Variants in DCUN1D4 observed in about 807,000 individuals in gnomAD.
DCUN1D4 encodes defective in cullin neddylation 1 domain containing 4.
In DCUN1D4, 22 loss-of-function variants were observed where a neutral mutation model predicts 47.9. The observed-to-expected ratio is 0.46, with a 90% CI of 0.33 to 0.66. The LOEUF is 0.66. Ranked by LOEUF, DCUN1D4 falls within the 30% of genes least tolerant of loss-of-function variation. The probability of loss-of-function intolerance (pLI) is 0.02; values close to 1 mark genes in which losing one functional copy is unlikely to be tolerated. For synonymous variants in DCUN1D4, 121 were observed against 112.2 expected, an observed-to-expected ratio of 1.08 and a Z score of -0.50; for missense variants, 301 against 340.8, an observed-to-expected ratio of 0.88 and a Z score of 0.92.
chr4:51,879,435 C>T (rs761551988), intron 5 of DCUN1D4, among the ~76,000 whole-genome samples: 26 of 152,136 alleles, frequency 1.7e-4, no homozygotes, highest in African/African-American at 6.0e-4. Flanking sequence ...GGTGAAACCC[C>T]GTCTCTACTA....
chr4:51,843,620 A>T, intron 1 of DCUN1D4: 1 of 835,754 alleles, frequency 1.2e-6, no homozygotes, highest in Non-Finnish European at 1.3e-6. Context: ...TGTAGCGGGC[A>T]GGGCCGGGGA....
chr4:51,855,043 A>G (rs1308987115), intron 1 of DCUN1D4, among the ~76,000 whole-genome samples: 1 of 152,198 alleles, frequency 6.6e-6, no homozygotes, highest in Non-Finnish European at 1.5e-5. Flanking sequence ...ATTGGGATAG[A>G]GTAGTGAATA....
At chr4:51,899,635 A>G (rs944852331) in intron 8 of DCUN1D4, among the ~76,000 whole-genome samples, 2 of 152,220 alleles carry the variant, frequency 1.3e-5, no homozygotes, top group African/African-American at 4.8e-5. Flanking sequence ...TGACATGGGC[A>G]TGCAATACAC....
At chr4:51,877,957 G>A (rs1220677698) in intron 5 of DCUN1D4, 103 bp downstream of exon 5, 8 of 601,486 alleles carry the variant, frequency 1.3e-5, no homozygotes, top group Admixed American at 5.8e-5. Flanking sequence ...AAATTTGGGT[G>A]TGTGTGTGTG....
chr4:51,852,380 C>A (rs1723503533), intron 1 of DCUN1D4, among the ~76,000 whole-genome samples: 1 of 152,196 alleles, frequency 6.6e-6, no homozygotes, highest in African/African-American at 2.4e-5. Context: ...CAACTACTAA[C>A]ATCATTTTTA....
At chr4:51,840,509 T>C (rs1464109946), upstream of DCUN1D4, among the ~76,000 whole-genome samples, 2 of 152,214 alleles carry the variant, frequency 1.3e-5, no homozygotes, top group Non-Finnish European at 2.9e-5. Context: ...GCCAAGTGAC[T>C]CAGATTAAAC....
chr4:51,898,682 T>TAGGGACATTATCTGACAG (rs1209107566), intron 7 of DCUN1D4, among the ~76,000 whole-genome samples: 10 of 152,124 alleles, frequency 6.6e-5, no homozygotes, highest in Non-Finnish European at 1.3e-4. Flanking sequence ...AATATAATCA[T>TAGGGACATTATCTGACAG]AGGGACATTA....
At chr4:51,864,551 G>A (rs1725597560) in intron 3 of DCUN1D4, among the ~76,000 whole-genome samples, 1 of 152,154 alleles carries the variant, frequency 6.6e-6, no homozygotes, top group Non-Finnish European at 1.5e-5. Context: ...CTGGAGACTG[G>A]TAAGTTTAAG....
chr4:51,891,902 C>T (rs575477049), intron 7 of DCUN1D4, 51 bp downstream of exon 7: 26 of 1,383,294 alleles, frequency 1.9e-5, no homozygotes, highest in Middle Eastern at 3.6e-4. Context: ...CAGGTGGTTG[C>T]CTCCTTCCTC....
chr4:51,908,123 T>C (rs1170125290), intron 8 of DCUN1D4, among the ~76,000 whole-genome samples: 5 of 152,228 alleles, frequency 3.3e-5, no homozygotes, highest in Admixed American at 6.5e-5. Flanking sequence ...TTTGCAGCTG[T>C]ACTATATCAT....
chr4:51,910,923 C>A, intron 8 of DCUN1D4, 147 bp from the exon 9 acceptor site: 1 of 718,428 alleles, frequency 1.4e-6, no homozygotes. Flanking sequence ...CCTCCCCTCC[C>A]TAACCTTAGT....
chr4:51,910,166 G>A (rs998755362), intron 8 of DCUN1D4, among the ~76,000 whole-genome samples: 1 of 152,132 alleles, frequency 6.6e-6, no homozygotes, highest in Non-Finnish European at 1.5e-5. Flanking sequence ...ACACATGGAG[G>A]CTAGCTTTGG....
chr4:51,866,665 T>G (rs1044544706), intron 3 of DCUN1D4, among the ~76,000 whole-genome samples: 3 of 152,232 alleles, frequency 2.0e-5, no homozygotes, highest in African/African-American at 7.2e-5. Context: ...GTTTTAGTAG[T>G]TCTGAACTTT....
intron 1 of DCUN1D4, among the ~76,000 whole-genome samples, chr4:51,848,031 A>G (rs1722815664): frequency 6.6e-6 from 1 of 152,212 alleles, no homozygotes; most frequent in Non-Finnish European, 1.5e-5. Context: ...TTAAATGATC[A>G]ACTATTGAAT....
At chr4:51,869,779 T>G (rs1367888547) in intron 3 of DCUN1D4, among the ~76,000 whole-genome samples, 1 of 152,176 alleles carries the variant, frequency 6.6e-6, no homozygotes, top group Non-Finnish European at 1.5e-5. Flanking sequence ...AATATTAGGA[T>G]AGACCTGTTG....
chr4:51,870,802 G>A (rs1184146570), intron 3 of DCUN1D4, among the ~76,000 whole-genome samples: 3 of 152,176 alleles, frequency 2.0e-5, no homozygotes, highest in African/African-American at 7.2e-5. Flanking sequence ...TGTTCTCTGT[G>A]CATTTTGTTT....
At chr4:51,910,399 G>T (rs1382923547) in intron 8 of DCUN1D4, among the ~76,000 whole-genome samples, 1 of 152,174 alleles carries the variant, frequency 6.6e-6, no homozygotes, top group East Asian at 1.9e-4. Flanking sequence ...TTGGTTACTA[G>T]TTAGGAGTAT....
At chr4:51,907,271 CATT>C (rs1405843486) in intron 8 of DCUN1D4, among the ~76,000 whole-genome samples, 1 of 152,206 alleles carries the variant, frequency 6.6e-6, no homozygotes, top group African/African-American at 2.4e-5. Context: ...GCCTTGCAAA[CATT>C]GTTGTCTCTA....
rs1236332272 is a variant in DCUN1D4, at chr4:51,913,625, T to C, written c.*41T>C. 6 of 1,581,390 alleles carry C rather than the reference T, an allele frequency of 3.8e-6. No homozygotes were observed. Among genetic ancestry groups the C allele is most frequent in the Non-Finnish European group, 5.2e-6 (6 of 1,153,080 alleles). The stretch of plus-strand genomic sequence containing the variant: ...AGCGAGAGAGTCACTGTTACCACAG[T>C]TTTGTCACCCATTAGCCATAAATTG... On this transcript the variant is annotated 3_prime_UTR_variant, in exon 11 of 11. Coordinates refer to ENST00000334635, the MANE Select transcript of DCUN1D4 (RefSeq NM_001040402.3).
Sources: gnomAD v4.1 joint callset for allele counts (sites outside exome capture counted in the v4.1 genomes callset) on GRCh38, gnomAD v4.1.1 for gene constraint, MANE v1.5 for transcripts, NCBI Gene and HGNC (gene_info 2026-07-23, HGNC 2026-07-21) for gene names.